Variants in PSG2 observed in about 807,000 individuals in gnomAD.
PSG2 encodes pregnancy specific beta-1-glycoprotein 2.
PSG2 carries 49 observed loss-of-function variants against 36.2 expected under a neutral mutation model. The ratio of observed to expected loss-of-function variants is 1.35; its 90% confidence interval spans 1.08 to 1.72. The LOEUF is 1.72. Among genes scored for constraint, PSG2 ranks in the 40% most tolerant of loss-of-function variants. The pLI is 0.00. For synonymous variants in PSG2, 261 were observed against 155.6 expected, an observed-to-expected ratio of 1.68 and a Z score of -5.04; for missense variants, 605 against 407.2, an observed-to-expected ratio of 1.49 and a Z score of -4.18.
At chr19:43,081,388 CACACACACACA>C in intron 1 of PSG2, 142 bp from the exon 2 acceptor site, 2 of 1,250,368 alleles carry the variant, frequency 1.6e-6, no homozygotes, top group African/African-American at 3.2e-5. Flanking sequence ...CACACACACA[CACACACACACA>C]AAAGGGGCAT....
intron 2 of PSG2, among the ~76,000 whole-genome samples, chr19:43,078,203 T>C (rs1967923973): frequency 6.6e-6 from 1 of 151,714 alleles, no homozygotes; most frequent in Admixed American, 6.6e-5. Context: ...AGGAATTTAG[T>C]TTATGGTTTA....
Position 43,081,037 on chromosome 19 carries a change from C to A in PSG2, c.274G>T (p.Gly92Trp), listed in dbSNP as rs754245034. The A allele has an allele frequency of 8.1e-6, 13 of 1,612,852 alleles. No homozygotes were observed. In the East Asian group the frequency reaches 2.7e-4, roughly 33 times the overall value. ...YVVDGQIIIY[G>W]PAYSGRETAY... is the part of the protein sequence containing the mutation. ...GTTTCTCGTCCACTATATGCAGGCC[C>A]ATATATAATTATTTGACCGTCTACT... Residue 92 changes from glycine (G) to tryptophan (W), a missense_variant, in exon 2 of 6, where the codon GGG (glycine) becomes TGG (tryptophan). Transcript: ENST00000406487.
At chr19:43,081,881 C>G (rs1249440953) in intron 1 of PSG2, 3 of 155,032 alleles carry the variant, frequency 1.9e-5, no homozygotes, top group Admixed American at 1.9e-4. Context: ...TTGCTGAGGA[C>G]AGTGTTTCAC....
chr19:43,070,279 A>G lies in PSG2; in HGVS notation c.964+1421T>C, dbSNP rs1197283027. On this transcript the variant is annotated intron_variant, in intron 4 of 5. Coordinates refer to ENST00000406487, the MANE Select transcript of PSG2 (RefSeq NM_031246.4). The stretch of plus-strand genomic sequence containing the variant: ...ATGGGAAATGTTATAGCCACTGTAA[A>G]AATTGGTGTGCTGTTTCTCAAAAAA... Among the ~76,000 whole-genome samples, 3 of 151,750 alleles carry G rather than the reference A, an allele frequency of 2.0e-5. 1 individual carries two copies. Among genetic ancestry groups the G allele is most frequent in the African/African-American group, 4.9e-5 (2 of 41,094 alleles).
intron 2 of PSG2, among the ~76,000 whole-genome samples, chr19:43,079,658 AAGATCTGAGAGGGAGG>A: frequency 8.1e-6 from 1 of 123,248 alleles, no homozygotes; most frequent in Non-Finnish European, 1.9e-5. Context: ...GATGGGGGTT[AAGATCTGAGAGGGAGG>A]CCTGCTCATG....
chr19:43,080,869 G>A lies in PSG2; in HGVS notation c.430+12C>T, dbSNP rs1967961161. On this transcript the variant is annotated intron_variant, in intron 2 of 5. Transcript: ENST00000406487. ...GTCCCCCAACACCCAGGGATCATGTGGAATCACTTACGGTATAAGGTGAAG... is the reference window on the plus strand; with the variant it reads ...GTCCCCCAACACCCAGGGATCATGTAGAATCACTTACGGTATAAGGTGAAG... The A allele has an allele frequency of 2.5e-6, 4 of 1,611,752 alleles. No individual in the cohort carries two copies. Among genetic ancestry groups the A allele is most frequent in the Non-Finnish European group, 3.4e-6 (4 of 1,179,062 alleles).
intron 4 of PSG2, among the ~76,000 whole-genome samples, chr19:43,069,442 C>G (rs1005832769): frequency 1.3e-5 from 2 of 151,758 alleles, no homozygotes; most frequent in African/African-American, 4.9e-5. Flanking sequence ...AGGACTCACA[C>G]TTTCTGATTT....
At chr19:43,077,855 G>A (rs10410472) in intron 2 of PSG2, among the ~76,000 whole-genome samples, 45,083 of 151,476 alleles carry the variant, frequency 0.3, 8,862 homozygotes, top group African/African-American at 0.53. Flanking sequence ...CTATTGACAC[G>A]TCCTCAAGCT....
chr19:43,068,554 G>T (rs962211810), intron 4 of PSG2, among the ~76,000 whole-genome samples: 10 of 150,982 alleles, frequency 6.6e-5, no homozygotes, highest in African/African-American at 1.2e-4. Context: ...ATAAATAATT[G>T]TATGCCAATA....
rs1466028950 is a variant in PSG2, at chr19:43,064,478, G to A, written c.*164C>T. 4.4e-6 allele frequency: 2 copies of A among 458,724 alleles called. No individual in the cohort carries two copies. The highest frequency in any genetic ancestry group is 4.1e-5 in the Admixed American group (1 of 24,102). The allele number at this position is 458,724 out of a possible 1,614,324, so 28.4% of individuals were successfully genotyped here. A position where few individuals can be genotyped will look rare whatever the true frequency, so the allele number is the denominator to read the frequency against. On this transcript the variant is annotated 3_prime_UTR_variant, in exon 6 of 6. Transcript: ENST00000406487. ...ATTGAGTATTTTTCTTCTTTGTCTT[G>A]AATTTCATGAAGGTATCAGCCTGTT...
chr19:43,074,500 C>A (rs1475871599), intron 3 of PSG2, among the ~76,000 whole-genome samples: 1 of 151,522 alleles, frequency 6.6e-6, no homozygotes, highest in Non-Finnish European at 1.5e-5. Flanking sequence ...TCAGATTGTT[C>A]ATTGTTAGTG....
At chr19:43,074,334 A>G (rs1967861521) in intron 3 of PSG2, among the ~76,000 whole-genome samples, 1 of 151,700 alleles carries the variant, frequency 6.6e-6, no homozygotes, top group Non-Finnish European at 1.5e-5. Flanking sequence ...TGAAAATGAA[A>G]TGTCTTTCCA....
Position 43,066,520 on chromosome 19 carries a change from C to G in PSG2, c.*37G>C, listed in dbSNP as rs1967741260. 1 of 1,554,982 alleles carries G rather than the reference C, an allele frequency of 6.4e-7. No individual in the cohort carries two copies. The highest frequency in any genetic ancestry group is 8.9e-7 in the Non-Finnish European group (1 of 1,127,376). ...ATAAGAGAAAAGGCCATCATACCTG[C>G]CAGTCTTCCTGAAATACAGAAATGA... On this transcript the variant is annotated 3_prime_UTR_variant, in exon 5 of 6. Coordinates refer to ENST00000406487, the MANE Select transcript of PSG2 (RefSeq NM_031246.4).
In PSG2 at chr19:43,081,059, T is replaced by C; in HGVS notation, c.252A>G (p.Val84=). Residue 84 remains valine, a synonymous_variant, in exon 2 of 6, where the codon GTA becomes GTG. Transcript: ENST00000406487. ...GCCCATATATAATTATTTGACCGTCTACTACATATGATGTAATGTAATGGT... is the reference window on the plus strand; with the variant it reads ...GCCCATATATAATTATTTGACCGTCCACTACATATGATGTAATGTAATGGT... ...DLYHYITSYV[V]DGQIIIYGPA... is the part of the protein sequence containing the mutation. 6.2e-7 allele frequency: 1 copy of C among 1,612,938 alleles called. No homozygotes were observed. Among genetic ancestry groups the C allele is most frequent in the African/African-American group, 1.3e-5 (1 of 74,378 alleles).
chr19:43,077,335 G>T lies in PSG2; in HGVS notation c.431-1703C>A, dbSNP rs192973999. Among the ~76,000 whole-genome samples the T allele has an allele frequency of 2.6e-5, 4 of 151,830 alleles. No individual in the cohort carries two copies. The East Asian group carries it at 7.7e-4, about 29-fold the overall frequency. On this transcript the variant is annotated intron_variant, in intron 2 of 5. Coordinates refer to ENST00000406487, the MANE Select transcript of PSG2 (RefSeq NM_031246.4). ...GCATCAATTACATAAAGGGAGGAAG[G>T]ATGCCAAATTAAAAGAAGTGATGTG...
chr19:43,068,539 G>C (rs889572150), intron 4 of PSG2, among the ~76,000 whole-genome samples: 2 of 150,318 alleles, frequency 1.3e-5, no homozygotes, highest in South Asian at 4.2e-4. Context: ...GATTATGAAA[G>C]TACTATAAAT....
At chr19:43,066,076 G>T (rs1175991389) in intron 5 of PSG2, among the ~76,000 whole-genome samples, 1 of 151,670 alleles carries the variant, frequency 6.6e-6, no homozygotes, top group Non-Finnish European at 1.5e-5. Context: ...GTAGACCCCT[G>T]CAGATTCTTG....
In PSG2 at chr19:43,064,219, C is replaced by T. The variant is rs1431532579; in HGVS notation, c.*423G>A. 6.1e-6 allele frequency: 1 copy of T among 163,598 alleles called. No individual in the cohort carries two copies. The highest frequency in any genetic ancestry group is 1.8e-4 in the East Asian group (1 of 5,666). 10.1% of individuals were successfully genotyped at this position (163,598 alleles called of 1,614,324 possible). ...AGAGCAGATTCTTACTGAACTTGTG[C>T]AAATAGCTTTATTACCATAAACATA... On this transcript the variant is annotated 3_prime_UTR_variant, in exon 6 of 6. Coordinates refer to ENST00000406487, the MANE Select transcript of PSG2 (RefSeq NM_031246.4).
rs1803670 is a variant in PSG2 at position 43,075,490 on chromosome 19, A to G, written c.573T>C (p.His191=). The change falls in exon 3 of 6, where the codon CAT becomes CAC. Residue 191 remains histidine, a synonymous_variant. Coordinates refer to ENST00000406487, the MANE Select transcript of PSG2 (RefSeq NM_031246.4). ...TGTTGGTTTCGGACAGCTGAAACCTATGAGTCATAGGGAGGCTCTGACCAT... is the reference window on the plus strand; with the variant it reads ...TGTTGGTTTCGGACAGCTGAAACCTGTGAGTCATAGGGAGGCTCTGACCAT... The part of the protein sequence containing the change: ...WMNGQSLPMT[H]RFQLSETNRT... 330,876 of 1,612,728 alleles carry G rather than the reference A, an allele frequency of 0.21. 40,383 individuals carry two copies. Among genetic ancestry groups the G allele is most frequent in the African/African-American group, 0.47 (35,246 of 74,274 alleles).
Sources: gnomAD v4.1 joint callset for allele counts (sites outside exome capture counted in the v4.1 genomes callset) on GRCh38, gnomAD v4.1.1 for gene constraint, MANE v1.5 for transcripts, NCBI Gene and HGNC (gene_info 2026-07-23, HGNC 2026-07-21) for gene names.